Variants in PREX2 observed in about 807,000 individuals in gnomAD.
PREX2 encodes the protein phosphatidylinositol 3,4,5-trisphosphate-dependent Rac exchanger 2 protein.
In PREX2, 107 loss-of-function variants were observed where a neutral mutation model predicts 203.2. The observed-to-expected ratio is 0.53, with a 90% CI of 0.45 to 0.62. The LOEUF (loss-of-function observed/expected upper bound fraction) is 0.62, where lower values mean the gene tolerates loss of function less well. Among genes scored for constraint, PREX2 ranks in the 20% least tolerant of loss-of-function variants. The probability of loss-of-function intolerance (pLI) is 0.00; values close to 1 mark genes in which losing one functional copy is unlikely to be tolerated. For synonymous variants in PREX2, 672 were observed against 663.6 expected, an observed-to-expected ratio of 1.01 and a Z score of -0.19; for missense variants, 1,777 against 1,955.9, an observed-to-expected ratio of 0.91 and a Z score of 1.72.
intron 34 of PREX2, among the ~76,000 whole-genome samples, chr8:68,146,939 G>C (rs758590781): frequency 6.6e-6 from 1 of 152,138 alleles, no homozygotes; most frequent in Non-Finnish European, 1.5e-5. Flanking sequence ...GCATGAGCAA[G>C]AAAATTCTTG....
At chr8:68,164,025 A>G (rs773736690) in intron 35 of PREX2, among the ~76,000 whole-genome samples, 1 of 152,140 alleles carries the variant, frequency 6.6e-6, no homozygotes, top group Non-Finnish European at 1.5e-5. Context: ...GTAGGGTATG[A>G]GACCTCAGAC....
intron 35 of PREX2, among the ~76,000 whole-genome samples, chr8:68,169,978 TAGG>T (rs1811843420): frequency 6.6e-6 from 1 of 152,186 alleles, no homozygotes; most frequent in South Asian, 2.1e-4. Context: ...GCTGATCTAC[TAGG>T]AGGTTAGTAA....
In PREX2 at chr8:68,120,419, C is replaced by A. The variant is rs936402457; in HGVS notation, c.3595+133C>A. 6.5e-5 allele frequency: 39 copies of A among 604,596 alleles called. No individual in the cohort carries two copies. The South Asian group carries it at 8.0e-4, about 12-fold the overall frequency. The allele number at this position is 604,596 out of a possible 1,614,324, so 37.5% of individuals were successfully genotyped here. ...ATGTTTCATAATTCACCAAACACTACTTCTATTCTGATAATTTTTGAATAT... is the reference window on the plus strand; with the variant it reads ...ATGTTTCATAATTCACCAAACACTAATTCTATTCTGATAATTTTTGAATAT... On this transcript the variant is annotated intron_variant, in intron 29 of 39. Transcript: ENST00000288368.
At chr8:67,990,166 A>G (rs1806555436) in intron 1 of PREX2, among the ~76,000 whole-genome samples, 1 of 152,002 alleles carries the variant, frequency 6.6e-6, no homozygotes, top group East Asian at 1.9e-4. Context: ...TTGTACTTTT[A>G]GTAGAAATGG....
intron 1 of PREX2, among the ~76,000 whole-genome samples, chr8:68,010,847 G>C (rs919188904): frequency 6.6e-6 from 1 of 152,078 alleles, no homozygotes; most frequent in Non-Finnish European, 1.5e-5. Flanking sequence ...CCTAATCTTC[G>C]TTCTTTTTGA....
At chr8:68,188,850 C>T (rs1812241085) in intron 35 of PREX2, among the ~76,000 whole-genome samples, 1 of 152,084 alleles carries the variant, frequency 6.6e-6, no homozygotes, top group African/African-American at 2.4e-5. Flanking sequence ...CACAGCCAAA[C>T]CATATCAGCC....
intron 17 of PREX2, chr8:68,082,990 G>T: frequency 2.8e-6 from 1 of 351,884 alleles, no homozygotes; most frequent in East Asian, 4.4e-5. Context: ...AGGGGAGTAG[G>T]ATGTTAAGTC....
chr8:68,030,446 T>G (rs1165437937), intron 5 of PREX2, 51 bp from the exon 6 acceptor site: 1 of 1,585,874 alleles, frequency 6.3e-7, no homozygotes, highest in South Asian at 1.1e-5. Context: ...GAACCTGCTG[T>G]ACCAGAAAGC....
At chr8:68,169,543 G>C (rs1811833090) in intron 35 of PREX2, among the ~76,000 whole-genome samples, 1 of 152,038 alleles carries the variant, frequency 6.6e-6, no homozygotes, top group Admixed American at 6.6e-5. Flanking sequence ...AACATATTAA[G>C]AATCAGTCAC....
At chr8:68,219,594 C>G (rs1010064812) in intron 38 of PREX2, among the ~76,000 whole-genome samples, 2 of 152,166 alleles carry the variant, frequency 1.3e-5, no homozygotes, top group African/African-American at 4.8e-5. Context: ...ATTTGTTCCT[C>G]TGCCCCAAGT....
Position 68,188,817 on chromosome 8 carries a change from A to G in PREX2, c.4347-2905A>G, listed in dbSNP as rs140044985. ...CCCTTGACACGTGAGGATTATAACAATTCAGTGAGACTTGGATGGGGACAC... is the reference window on the plus strand; with the variant it reads ...CCCTTGACACGTGAGGATTATAACAGTTCAGTGAGACTTGGATGGGGACAC... On this transcript the variant is annotated intron_variant, in intron 35 of 39. Transcript: ENST00000288368. Among the ~76,000 whole-genome samples, 3 of 152,344 alleles carry G rather than the reference A, an allele frequency of 2.0e-5. No homozygotes were observed. In the East Asian group the frequency reaches 5.8e-4, roughly 29 times the overall value.
At chr8:68,099,891 TTGAA>T (rs1337159118) in intron 23 of PREX2, 48 bp downstream of exon 23, 7 of 1,446,890 alleles carry the variant, frequency 4.8e-6, no homozygotes, top group Non-Finnish European at 6.8e-6. Context: ...AAATTATTAT[TTGAA>T]TGTCAAATTT....
Position 68,184,600 on chromosome 8 carries a change from A to AATATCTCAT in PREX2, c.4347-7120_4347-7112dup, listed in dbSNP as rs375973266. On this transcript the variant is annotated intron_variant, in intron 35 of 39. Coordinates refer to ENST00000288368, the MANE Select transcript of PREX2 (RefSeq NM_024870.4). The stretch of plus-strand genomic sequence containing the variant: ...TCTGTAAATGATTATAAATATGGAG[A>AATATCTCAT]ATATCTCATAAGCAATGGTCTGGAG... Among the ~76,000 whole-genome samples, 222 of 152,282 alleles carry AATATCTCAT rather than the reference A, an allele frequency of 1.5e-3. 1 individual carries two copies. Among genetic ancestry groups the AATATCTCAT allele is most frequent in the African/African-American group, 5.0e-3 (209 of 41,568 alleles).
intron 37 of PREX2, 85 bp from the exon 38 acceptor site, chr8:68,217,531 C>G (rs1812866613): frequency 1.0e-6 from 1 of 961,858 alleles, no homozygotes; most frequent in East Asian, 2.5e-5. Context: ...CTGGTGCTTT[C>G]TGATTTTGTG....
intron 37 of PREX2, among the ~76,000 whole-genome samples, chr8:68,207,564 CTGG>C (rs34950308): frequency 1.3e-5 from 2 of 151,816 alleles, no homozygotes; most frequent in Non-Finnish European, 1.5e-5. Context: ...CCAGTACAGC[CTGG>C]TGGTGGTGGT....
chr8:68,087,626 A>G (rs1809733238), intron 18 of PREX2, 98 bp from the exon 19 acceptor site: 6 of 882,838 alleles, frequency 6.8e-6, no homozygotes, highest in Non-Finnish European at 9.6e-6. Context: ...TAGATCCTCA[A>G]TATGTATTTA....
chr8:68,047,922 T>G (rs1305684214), intron 8 of PREX2, among the ~76,000 whole-genome samples: 1 of 152,034 alleles, frequency 6.6e-6, no homozygotes, highest in Non-Finnish European at 1.5e-5. Flanking sequence ...TGATAAATAA[T>G]ATTATTGTAA....
In PREX2 at chr8:68,231,346, T is replaced by C. The variant is rs768935399; in HGVS notation, c.4789T>C (p.Cys1597Arg). ...PQSAPRLYKLCEPPPPAGEE is the reference protein window; with the variant it reads ...PQSAPRLYKLREPPPPAGEE ...TGCCTTTTCTAGGCTGTACAAGCTG[T>C]GCGAGCCACCTCCCCCAGCTGGAGA... Residue 1597 changes from cysteine to arginine, a missense_variant, in exon 40 of 40, where the codon TGC (cysteine) becomes CGC (arginine). Coordinates refer to ENST00000288368, the MANE Select transcript of PREX2 (RefSeq NM_024870.4). 1 of 1,602,274 alleles carries C rather than the reference T, an allele frequency of 6.2e-7. No homozygotes were observed. Among genetic ancestry groups the C allele is most frequent in the South Asian group, 1.1e-5 (1 of 88,452 alleles).
chr8:68,078,847 T>G (rs549806860), intron 15 of PREX2, among the ~76,000 whole-genome samples: 2 of 152,274 alleles, frequency 1.3e-5, no homozygotes, highest in South Asian at 4.1e-4. Context: ...AAATATTGAG[T>G]TACATCAAAA....
Sources: allele counts gnomAD v4.1 joint callset (sites outside exome capture counted in the v4.1 genomes callset), GRCh38; gene constraint gnomAD v4.1.1; transcripts MANE v1.5; gene names NCBI Gene and HGNC (gene_info 2026-07-23, HGNC 2026-07-21).